Variants in CADM2 observed in about 807,000 individuals in gnomAD.
The protein encoded by CADM2 is immunoglobulin superfamily member 4D.
CADM2 carries 12 observed loss-of-function variants against 49.8 expected under a neutral mutation model. That is an observed-to-expected ratio of 0.24 (90% confidence interval 0.15 to 0.39). CADM2 has a LOEUF of 0.39. Ranked by LOEUF, CADM2 falls within the 10% of genes least tolerant of loss-of-function variation. The pLI, the probability that CADM2 is intolerant of heterozygous loss-of-function variation, is 1.00. For missense variants in CADM2, 378 were observed against 492.3 expected (o/e 0.77, Z 2.20); for synonymous variants, 214 against 175.4 (o/e 1.22, Z -1.74).
intron 1 of CADM2, among the ~76,000 whole-genome samples, chr3:85,590,966 T>C (rs1458992072): frequency 6.6e-6 from 1 of 151,878 alleles, no homozygotes; most frequent in Non-Finnish European, 1.5e-5. Flanking sequence ...GGTTAATTGG[T>C]TGATTGGTAT....
At chr3:85,573,515 G>A (rs992936400) in intron 1 of CADM2, among the ~76,000 whole-genome samples, 1 of 152,088 alleles carries the variant, frequency 6.6e-6, no homozygotes, top group African/African-American at 2.4e-5. Flanking sequence ...ATATAAAAGT[G>A]TGTGCTTCTA....
At chr3:85,524,657 G>A (rs1157267904) in intron 1 of CADM2, among the ~76,000 whole-genome samples, 2 of 152,080 alleles carry the variant, frequency 1.3e-5, no homozygotes, top group African/African-American at 4.8e-5. Context: ...TGATAAGGTT[G>A]CTCAAGTCTA....
chr3:85,333,163 CAG>C (rs1479124205), intron 1 of CADM2, among the ~76,000 whole-genome samples: 3 of 151,428 alleles, frequency 2.0e-5, no homozygotes, highest in African/African-American at 7.3e-5. Flanking sequence ...AGAAAGAACT[CAG>C]TGTTTAAAGT....
rs114249487 is a variant in CADM2, at chr3:86,002,709, A to G, written c.970+41062A>G. 5.3e-3 allele frequency among the ~76,000 whole-genome samples: 813 copies of G among 152,306 alleles called. 2 individuals are homozygous for G. The highest frequency in any genetic ancestry group is 0.01 in the Middle Eastern group (3 of 294). On this transcript the variant is annotated intron_variant, in intron 8 of 9. Transcript: ENST00000383699. ...TGATATTTATAGCTCTTTGGAACAG[A>G]AAGTTTTGAAAACTATTGGTTCAAA...
At chr3:85,657,580 C>T (rs1423705473) in intron 1 of CADM2, among the ~76,000 whole-genome samples, 4 of 150,878 alleles carry the variant, frequency 2.7e-5, no homozygotes, top group Non-Finnish European at 4.4e-5. Flanking sequence ...TCATGTATAT[C>T]TAGATGGATA....
rs1576626141 is a variant in CADM2 at position 85,477,806 on chromosome 3, C to T, written c.62-248716C>T. Among the ~76,000 whole-genome samples, 4 of 151,808 alleles carry T rather than the reference C, an allele frequency of 2.6e-5. No homozygotes were observed. The South Asian group carries it at 8.3e-4, about 31-fold the overall frequency. On this transcript the variant is annotated intron_variant, in intron 1 of 9. Coordinates refer to ENST00000383699, the MANE Select transcript of CADM2 (RefSeq NM_001167675.2). ...ACAACCAACAAGTCAGATATTCTGA[C>T]CCCTGAATAATTTAGCAGAAACTCC...
chr3:85,177,380 C>G (rs953006652), intron 1 of CADM2, among the ~76,000 whole-genome samples: 1 of 151,786 alleles, frequency 6.6e-6, no homozygotes, highest in Non-Finnish European at 1.5e-5. Flanking sequence ...TTTTTATGAT[C>G]GTTTATACCT....
intron 2 of CADM2, among the ~76,000 whole-genome samples, chr3:85,740,427 C>T (rs1476382732): frequency 6.6e-6 from 1 of 152,074 alleles, no homozygotes. Context: ...CAAAGACTTG[C>T]TAATGTGACC....
intron 1 of CADM2, among the ~76,000 whole-genome samples, chr3:85,255,350 G>T (rs564114504): frequency 1.3e-5 from 2 of 152,092 alleles, no homozygotes; most frequent in East Asian, 3.9e-4. Flanking sequence ...GGCTTCATTT[G>T]TTTAAGTGAC....
intron 1 of CADM2, among the ~76,000 whole-genome samples, chr3:85,472,235 A>G (rs899796201): frequency 6.6e-6 from 1 of 152,000 alleles, no homozygotes; most frequent in African/African-American, 2.4e-5. Context: ...TTGTTGATCT[A>G]GGTCATTTAG....
rs1739746981 is a variant in CADM2 at position 86,070,323 on chromosome 3, T to C, written c.*3540T>C. The C allele has an allele frequency of 6.6e-6, 1 of 151,966 alleles. No individual in the cohort carries two copies. Among genetic ancestry groups the C allele is most frequent in the African/African-American group, 2.4e-5 (1 of 41,424 alleles). 9.4% of individuals were successfully genotyped at this position (151,966 alleles called of 1,614,324 possible). On this transcript the variant is annotated 3_prime_UTR_variant, in exon 10 of 10. Transcript: ENST00000383699. The stretch of plus-strand genomic sequence containing the variant: ...AGCATTGAGATTTCATATAGGCACA[T>C]GTATAGCAGCTGTTTGACAGTGATG...
intron 1 of CADM2, among the ~76,000 whole-genome samples, chr3:85,377,024 T>A (rs2033631003): frequency 6.6e-6 from 1 of 152,110 alleles, no homozygotes; most frequent in African/African-American, 2.4e-5. Context: ...GCTTCCTACA[T>A]AACAGAATCT....
chr3:85,726,855 T>C (rs2067717470), intron 2 of CADM2, among the ~76,000 whole-genome samples: 1 of 152,084 alleles, frequency 6.6e-6, no homozygotes, highest in Non-Finnish European at 1.5e-5. Context: ...GTTTCCTTGA[T>C]AAAATTGAGA....
At chr3:85,469,982 G>A (rs975154395) in intron 1 of CADM2, among the ~76,000 whole-genome samples, 1 of 152,166 alleles carries the variant, frequency 6.6e-6, no homozygotes, top group Non-Finnish European at 1.5e-5. Context: ...GGGAGGTGAT[G>A]CTGGAGGGAA....
At chr3:85,907,650 C>T (rs530108341) in intron 5 of CADM2, among the ~76,000 whole-genome samples, 3 of 152,214 alleles carry the variant, frequency 2.0e-5, no homozygotes, top group African/African-American at 7.2e-5. Flanking sequence ...GTGGCTCACA[C>T]CTATAATCCT....
At chr3:85,044,313 C>A (rs1470735528) in intron 1 of CADM2, among the ~76,000 whole-genome samples, 1 of 151,406 alleles carries the variant, frequency 6.6e-6, no homozygotes, top group Non-Finnish European at 1.5e-5. Flanking sequence ...AATCCCCCTA[C>A]CCCCCACCAT....
chr3:85,592,484 T>A (rs1677541519), intron 1 of CADM2, among the ~76,000 whole-genome samples: 1 of 151,956 alleles, frequency 6.6e-6, no homozygotes, highest in Admixed American at 6.6e-5. Flanking sequence ...AACCACAGAC[T>A]TAGTAACTGA....
chr3:85,547,464 T>A (rs2107090657), intron 1 of CADM2, among the ~76,000 whole-genome samples: 1 of 150,230 alleles, frequency 6.7e-6, no homozygotes, highest in Middle Eastern at 3.4e-3. Flanking sequence ...CTTGCATTAT[T>A]TTTTGTCATA....
At chr3:85,370,355 G>A (rs1183195162) in intron 1 of CADM2, among the ~76,000 whole-genome samples, 1 of 151,714 alleles carries the variant, frequency 6.6e-6, no homozygotes, top group Non-Finnish European at 1.5e-5. Context: ...GCGGGAGGGG[G>A]AGGTGGCATT....
Sources: allele counts gnomAD v4.1 joint callset (sites outside exome capture counted in the v4.1 genomes callset), GRCh38; gene constraint gnomAD v4.1.1; transcripts MANE v1.5; gene names NCBI Gene and HGNC (gene_info 2026-07-23, HGNC 2026-07-21).